DISC1: variants seen among roughly 807,000 people sequenced by gnomAD.
DISC1 encodes the protein DISC1 scaffold protein, also known as disrupted in schizophrenia 1 protein.
DISC1 carries 57 observed loss-of-function variants against 84.5 expected under a neutral mutation model. The observed-to-expected ratio is 0.67, with a 90% CI of 0.55 to 0.84. The LOEUF is 0.84. DISC1 is among the 40% of genes least tolerant of loss of function. The pLI, the probability that DISC1 is intolerant of heterozygous loss-of-function variation, is 0.00. For missense variants in DISC1, 1,000 were observed against 1,057.8 expected, an observed-to-expected ratio of 0.95 and a Z score of 0.76; for synonymous variants, 411 against 415.2, an observed-to-expected ratio of 0.99 and a Z score of 0.12.
chr1:231,947,095 G>GA (rs1240160029), intron 9 of DISC1, among the ~76,000 whole-genome samples: 7 of 152,090 alleles, frequency 4.6e-5, no homozygotes, highest in Non-Finnish European at 1.0e-4. Context: ...CACAGAATTG[G>GA]AAAAAACTAT....
intron 8 of DISC1, among the ~76,000 whole-genome samples, chr1:231,802,140 C>A (rs557911788): frequency 9.9e-5 from 15 of 151,936 alleles, no homozygotes; most frequent in Non-Finnish European, 2.9e-5. Context: ...TTCTATGATT[C>A]GCTTAGATTT....
rs552270994 is a variant in DISC1, at chr1:231,645,765, C to T, written c.67+18831C>T. On this transcript the variant is annotated intron_variant, in intron 1 of 12. Transcript: ENST00000439617. ...CCTATGAGTGAGAACATGCACTGTTCGGTTTTCTGTCCTTGCGATAGTTTG... is the reference window on the plus strand; with the variant it reads ...CCTATGAGTGAGAACATGCACTGTTTGGTTTTCTGTCCTTGCGATAGTTTG... 5.9e-5 allele frequency among the ~76,000 whole-genome samples: 9 copies of T among 151,722 alleles called. No homozygotes were observed. The East Asian group carries it at 1.2e-3, about 20-fold the overall frequency.
At chr1:231,836,660 T>C (rs16855190) in intron 9 of DISC1, among the ~76,000 whole-genome samples, 2,417 of 152,306 alleles carry the variant, frequency 0.016, 72 homozygotes, top group African/African-American at 0.055. Context: ...TCCCATTGGC[T>C]TTCACATTCT....
chr1:231,808,591 G>C (rs2079951108), intron 8 of DISC1, among the ~76,000 whole-genome samples: 1 of 152,242 alleles, frequency 6.6e-6, no homozygotes, highest in South Asian at 2.1e-4. Context: ...GAAATGAAGG[G>C]GAGATGGACA....
chr1:232,002,595 G>GCGCA (rs750624424), intron 10 of DISC1, among the ~76,000 whole-genome samples: 2 of 143,626 alleles, frequency 1.4e-5, no homozygotes, highest in African/African-American at 2.6e-5. Context: ...ATTATGCTGA[G>GCGCA]CACACACACA....
chr1:231,662,640 GT>G (rs1300663422), intron 1 of DISC1, among the ~76,000 whole-genome samples: 2 of 152,264 alleles, frequency 1.3e-5, no homozygotes, highest in African/African-American at 2.4e-5. Context: ...CAAAGAGATG[GT>G]GGCTGCCCCT....
intron 9 of DISC1, among the ~76,000 whole-genome samples, chr1:231,844,446 C>G (rs1166954753): frequency 6.6e-6 from 1 of 152,162 alleles, no homozygotes; most frequent in Admixed American, 6.5e-5. Context: ...ATGGCCTCAC[C>G]AGTCCAGAAG....
At chr1:231,809,709 A>AT (rs2080103329) in intron 8 of DISC1, among the ~76,000 whole-genome samples, 1 of 152,168 alleles carries the variant, frequency 6.6e-6, no homozygotes, top group South Asian at 2.1e-4. Flanking sequence ...GATTTTCTAG[A>AT]TAAACACAAA....
At chr1:231,667,106 TACAGA>T in intron 1 of DISC1, among the ~76,000 whole-genome samples, 1 of 152,322 alleles carries the variant, frequency 6.6e-6, no homozygotes, top group Admixed American at 6.5e-5. Context: ...AGGAAGTCCT[TACAGA>T]GCAGCTTGGA....
At chr1:231,888,845 G>T (rs1187000455) in intron 9 of DISC1, among the ~76,000 whole-genome samples, 1 of 152,012 alleles carries the variant, frequency 6.6e-6, no homozygotes, top group African/African-American at 2.4e-5. Flanking sequence ...CCTGCTCAGG[G>T]GCCCAGAGGA....
At chr1:231,690,868 C>T (rs1353880194) in intron 1 of DISC1, among the ~76,000 whole-genome samples, 1 of 152,144 alleles carries the variant, frequency 6.6e-6, no homozygotes, top group Non-Finnish European at 1.5e-5. Flanking sequence ...AGGCCACCTT[C>T]TGGGAAGGCC....
At chr1:231,831,873 G>A (rs2082258757) in intron 9 of DISC1, among the ~76,000 whole-genome samples, 1 of 152,064 alleles carries the variant, frequency 6.6e-6, no homozygotes, top group African/African-American at 2.4e-5. Flanking sequence ...CAGAGTGGTA[G>A]CCTTGATGAT....
chr1:231,919,594 A>T (rs936870350), intron 9 of DISC1, among the ~76,000 whole-genome samples: 1 of 152,174 alleles, frequency 6.6e-6, no homozygotes, highest in Non-Finnish European at 1.5e-5. Context: ...TTGTGGCTAT[A>T]GTGCCTCACC....
intron 1 of DISC1, among the ~76,000 whole-genome samples, chr1:231,631,272 C>T (rs964808388): frequency 1.3e-5 from 2 of 152,144 alleles, no homozygotes; most frequent in African/African-American, 2.4e-5. Flanking sequence ...CGCATAATGA[C>T]GTTTTGTCAA....
At position 231,767,178 on chromosome 1, in the gene DISC1, A is replaced by G; in HGVS notation, c.1307A>G (p.Glu436Gly). 1 of 1,614,214 alleles carries G rather than the reference A, an allele frequency of 6.2e-7. No homozygotes were observed. ...GDDTHTPLRM[E>G]PRLLEPTAQD... ...GACACCCACACCCCACTGAGAATGG[A>G]GCCGAGGCTGTTGGAACCCACTGCT... The change falls in exon 5 of 13, where the codon GAG becomes GGG. Residue 436 changes from glutamate (E) to glycine (G), a missense_variant. Physicochemically the swap from Glu to Gly is moderately conservative, Grantham distance 98. Around this residue, in one of 3 missense-constraint regions of DISC1, gnomAD observed 311 missense variants for 400.1 expected, o/e 0.78. Transcript: ENST00000439617.
intron 9 of DISC1, among the ~76,000 whole-genome samples, chr1:231,909,294 A>G (rs1250277090): frequency 6.6e-6 from 1 of 152,154 alleles, no homozygotes; most frequent in Non-Finnish European, 1.5e-5. Flanking sequence ...TCAGTATGAT[A>G]TTGGCTGTGG....
At chr1:231,917,206 C>G (rs1465032769) in intron 9 of DISC1, among the ~76,000 whole-genome samples, 1 of 152,190 alleles carries the variant, frequency 6.6e-6, no homozygotes, top group Non-Finnish European at 1.5e-5. Context: ...GGACTCATTT[C>G]TCTAACATAC....
intron 1 of DISC1, chr1:231,629,654 A>G (rs1311088657): frequency 6.6e-6 from 1 of 152,592 alleles, no homozygotes; most frequent in East Asian, 1.9e-4. Flanking sequence ...ACCCATTTCT[A>G]TGCTGCATGC....
chr1:231,748,208 C>T (rs935853038), intron 3 of DISC1, among the ~76,000 whole-genome samples: 1 of 152,134 alleles, frequency 6.6e-6, no homozygotes, highest in African/African-American at 2.4e-5. Context: ...TCTGCCATTC[C>T]AATTTGAATG....
Sources: allele counts gnomAD v4.1 joint callset (sites outside exome capture counted in the v4.1 genomes callset), GRCh38; gene constraint gnomAD v4.1.1; regional missense constraint gnomAD v4.1.1; transcripts MANE v1.5; gene names NCBI Gene and HGNC (gene_info 2026-07-23, HGNC 2026-07-21).